Variants in CTSO observed in about 807,000 individuals in gnomAD.
The protein encoded by CTSO is cathepsin O.
A neutral mutation model predicts 42.4 loss-of-function variants in CTSO; 40 were observed. The ratio of observed to expected loss-of-function variants is 0.94; its 90% CI spans 0.73 to 1.23. The LOEUF (loss-of-function observed/expected upper bound fraction) is 1.23. CTSO is among the 50% of genes most tolerant of loss of function. The probability of loss-of-function intolerance (pLI) is 0.00; values close to 1 mark genes in which losing one functional copy is unlikely to be tolerated. For synonymous variants in CTSO, 156 were observed against 146.2 expected (o/e 1.07, Z -0.48); for missense variants, 441 against 396.0 (o/e 1.11, Z -0.96).
intron 5 of CTSO, 113 bp downstream of exon 5, chr4:155,937,249 T>A: frequency 1.5e-6 from 1 of 678,594 alleles, no homozygotes; most frequent in Non-Finnish European, 2.4e-6. Context: ...GTAAAAAGTA[T>A]GTTTTACAAG....
chr4:155,953,638 C>T (rs547020201), intron 1 of CTSO, 75 bp downstream of exon 1: 2 of 1,228,790 alleles, frequency 1.6e-6, no homozygotes, highest in Admixed American at 4.3e-5. Flanking sequence ...TCTCGGGGGC[C>T]CTCTTCCGCA....
chr4:155,936,069 G>T (rs914627018), intron 5 of CTSO, among the ~76,000 whole-genome samples: 2 of 150,822 alleles, frequency 1.3e-5, no homozygotes, highest in African/African-American at 2.4e-5. Flanking sequence ...GTTTTTTCTT[G>T]TACACATCCT....
intron 1 of CTSO, among the ~76,000 whole-genome samples, chr4:155,951,622 TTC>T: frequency 6.6e-6 from 1 of 152,328 alleles, no homozygotes; most frequent in South Asian, 2.1e-4. Context: ...ACCTTCACCA[TTC>T]TCTAAACCCA....
At chr4:155,928,266 T>C in intron 7 of CTSO, 70 bp downstream of exon 7, 1 of 1,151,916 alleles carries the variant, frequency 8.7e-7, no homozygotes, top group Non-Finnish European at 1.2e-6. Context: ...GAGTAGATTG[T>C]AACTCTAAAA....
intron 1 of CTSO, among the ~76,000 whole-genome samples, chr4:155,948,331 A>G (rs1743584663): frequency 6.6e-6 from 1 of 151,900 alleles, no homozygotes; most frequent in Non-Finnish European, 1.5e-5. Context: ...TATGACTTCT[A>G]GCAGCCATCC....
At chr4:155,936,063 T>C (rs556453590) in intron 5 of CTSO, among the ~76,000 whole-genome samples, 1 of 152,318 alleles carries the variant, frequency 6.6e-6, no homozygotes, top group South Asian at 2.1e-4. Context: ...AATCTAGTTT[T>C]TTCTTGTACA....
Position 155,924,250 on chromosome 4 carries a change from A to G in CTSO, c.*1786T>C, listed in dbSNP as rs1374883804. The G allele has an allele frequency of 6.6e-6, 1 of 152,204 alleles. No homozygotes were observed. Among genetic ancestry groups the G allele is most frequent in the Non-Finnish European group, 1.5e-5 (1 of 68,038 alleles). 9.4% of individuals were successfully genotyped at this position (152,204 alleles called of 1,614,324 possible). On this transcript the variant is annotated 3_prime_UTR_variant, in exon 8 of 8. Transcript: ENST00000433477. ...ACTTGAAAAAGAGTATTACAAATGC[A>G]TCTATATCACATAGAAAGTCAGCGA...
intron 7 of CTSO, 25 bp downstream of exon 7, chr4:155,928,310 GT>G (rs758682790): frequency 6.6e-7 from 1 of 1,520,872 alleles, no homozygotes; most frequent in South Asian, 1.1e-5. Context: ...TTATATTGAG[GT>G]TTTAAACACA....
chr4:155,952,566 T>A (rs549202120), intron 1 of CTSO, among the ~76,000 whole-genome samples: 2 of 152,334 alleles, frequency 1.3e-5, no homozygotes, highest in South Asian at 4.1e-4. Context: ...AGAATTTTGT[T>A]CTTGAAAGAG....
intron 7 of CTSO, among the ~76,000 whole-genome samples, chr4:155,927,152 C>T (rs914711770): frequency 6.6e-5 from 10 of 152,176 alleles, no homozygotes; most frequent in African/African-American, 2.4e-4. Context: ...GAACAGATCA[C>T]TCATGAACTC....
intron 1 of CTSO, among the ~76,000 whole-genome samples, chr4:155,951,971 C>G (rs1426083493): frequency 6.6e-6 from 1 of 152,064 alleles, no homozygotes; most frequent in African/African-American, 2.4e-5. Context: ...GATTGGGGAC[C>G]ACTAAGGTAG....
At position 155,928,211 on chromosome 4, in the gene CTSO, T is replaced by TA. The variant is rs1001828074; in HGVS notation, c.931+124dup. 3.3e-5 allele frequency: 19 copies of TA among 570,784 alleles called. No homozygotes were observed. In the Admixed American group the frequency reaches 5.0e-4, roughly 15 times the overall value. 35.4% of individuals were successfully genotyped at this position (570,784 alleles called of 1,614,324 possible). On this transcript the variant is annotated intron_variant, in intron 7 of 7. Coordinates refer to ENST00000433477, the MANE Select transcript of CTSO (RefSeq NM_001334.3). ...TCCTCTTGCAAAACACTTTTTTTTT[T>TA]ATCATTTGGTTAAAGGACAAAAATT...
intron 1 of CTSO, among the ~76,000 whole-genome samples, chr4:155,951,793 C>T (rs866835002): frequency 4.6e-5 from 7 of 152,150 alleles, no homozygotes; most frequent in Non-Finnish European, 7.4e-5. Flanking sequence ...TTCCCACTGT[C>T]CAGCTCTCTA....
rs919767855 is a variant in CTSO at position 155,930,270 on chromosome 4, A to G, written c.675-565T>C. Among the ~76,000 whole-genome samples the G allele has an allele frequency of 1.8e-4, 27 of 152,214 alleles. 1 individual carries two copies. The highest frequency in any genetic ancestry group is 1.6e-3 in the Admixed American group (24 of 15,278). Reference sequence around the variant, plus strand: ...GCCACACCATGAGAATCAAGAGACTAACTCATGTTAGTCATTGTCAAATAT... The same window carrying G: ...GCCACACCATGAGAATCAAGAGACTGACTCATGTTAGTCATTGTCAAATAT... On this transcript the variant is annotated intron_variant, in intron 5 of 7. Transcript: ENST00000433477.
chr4:155,952,168 T>C (rs1027315542), intron 1 of CTSO, among the ~76,000 whole-genome samples: 12 of 152,196 alleles, frequency 7.9e-5, no homozygotes, highest in African/African-American at 2.9e-4. Flanking sequence ...GTTTTTAAAA[T>C]GTACTAAGAG....
intron 1 of CTSO, among the ~76,000 whole-genome samples, chr4:155,945,406 T>C (rs1046192027): frequency 3.9e-5 from 6 of 152,198 alleles, no homozygotes; most frequent in Non-Finnish European, 5.9e-5. Context: ...GACAATAAAT[T>C]GGCAAACTGT....
chr4:155,934,227 C>T (rs897234177), intron 5 of CTSO, among the ~76,000 whole-genome samples: 9 of 152,150 alleles, frequency 5.9e-5, no homozygotes, highest in African/African-American at 1.7e-4. Flanking sequence ...GCCTTGGCAG[C>T]TTCCATTTGG....
chr4:155,927,611 T>C (rs1017388709), intron 7 of CTSO, among the ~76,000 whole-genome samples: 1 of 151,848 alleles, frequency 6.6e-6, no homozygotes, highest in Admixed American at 6.6e-5. Flanking sequence ...CTACTAAAAA[T>C]ACAAAAACAA....
chr4:155,947,680 C>G (rs1743573185), intron 1 of CTSO, among the ~76,000 whole-genome samples: 1 of 152,140 alleles, frequency 6.6e-6, no homozygotes, highest in South Asian at 2.1e-4. Flanking sequence ...AGTGACTTTT[C>G]CGGTCTCTCT....
Sources: gnomAD v4.1 joint callset for allele counts (sites outside exome capture counted in the v4.1 genomes callset) on GRCh38, gnomAD v4.1.1 for gene constraint, MANE v1.5 for transcripts, NCBI Gene and HGNC (gene_info 2026-07-23, HGNC 2026-07-21) for gene names.